MAST4: variants seen among roughly 807,000 people sequenced by gnomAD.
MAST4 encodes microtubule-associated serine/threonine-protein kinase 4.
MAST4 carries 89 observed loss-of-function variants against 162.7 expected under a neutral mutation model. The ratio of observed to expected loss-of-function variants is 0.55; its 90% CI spans 0.46 to 0.65. The LOEUF is 0.65. Among genes scored for constraint, MAST4 ranks in the 30% least tolerant of loss-of-function variants. The pLI is 0.00. For synonymous variants in MAST4, 1,479 were observed against 1,361.1 expected, an observed-to-expected ratio of 1.09 and a Z score of -1.91; for missense variants, 3,153 against 3,374.0, an observed-to-expected ratio of 0.93 and a Z score of 1.62.
intron 1 of MAST4, among the ~76,000 whole-genome samples, chr5:66,625,180 G>A (rs1043654742): frequency 3.3e-5 from 5 of 152,148 alleles, no homozygotes; most frequent in Admixed American, 2.6e-4. Flanking sequence ...GTGTGCGTGT[G>A]TGTGTCTTCT....
chr5:66,714,849 G>A (rs1750720323), intron 1 of MAST4, among the ~76,000 whole-genome samples: 3 of 152,288 alleles, frequency 2.0e-5, no homozygotes, highest in South Asian at 4.1e-4. Context: ...TCCTACCTGT[G>A]GTTTTGCTGG....
chr5:67,036,101 A>G (rs1319804656), intron 4 of MAST4, among the ~76,000 whole-genome samples: 1 of 152,138 alleles, frequency 6.6e-6, no homozygotes. Context: ...TTCAAGGCCC[A>G]GGAGGCCAGA....
intron 4 of MAST4, among the ~76,000 whole-genome samples, chr5:66,917,894 A>T (rs989137500): frequency 6.6e-6 from 1 of 152,092 alleles, no homozygotes; most frequent in African/African-American, 2.4e-5. Context: ...GTTCTGGTTA[A>T]ATTAAAAATT....
intron 5 of MAST4, among the ~76,000 whole-genome samples, chr5:67,087,039 G>A (rs150112124): frequency 3.2e-4 from 48 of 152,220 alleles, no homozygotes; most frequent in Non-Finnish European, 5.4e-4. Flanking sequence ...ACTTCTACCT[G>A]CCTAATCTGC....
At position 67,162,784 on chromosome 5, in the gene MAST4, A is replaced by G; in HGVS notation, c.3963A>G (p.Pro1321=). The change falls in exon 28 of 29, where the codon CCA becomes CCG. Residue 1321 remains proline (P), a synonymous_variant. Transcript: ENST00000403625. ...TPSYRSTPDF[P]SGTNSSQSSS... ...GCTACCGCTCCACCCCTGACTTCCC[A>G]TCTGGTGAGTGAGTCTCCTGGTCTA... is the stretch of plus-strand genomic sequence containing the variant. 6.2e-7 allele frequency: 1 copy of G among 1,613,522 alleles called. No homozygotes were observed. Among genetic ancestry groups the G allele is most frequent in the South Asian group, 1.1e-5 (1 of 91,024 alleles).
chr5:66,926,783 A>G (rs1580901699), intron 4 of MAST4, among the ~76,000 whole-genome samples: 2 of 152,160 alleles, frequency 1.3e-5, no homozygotes, highest in African/African-American at 4.8e-5. Flanking sequence ...TGTTAAAACA[A>G]ATGAAAGTGA....
chr5:67,050,213 T>C (rs1758000624), intron 4 of MAST4, among the ~76,000 whole-genome samples: 1 of 152,174 alleles, frequency 6.6e-6, no homozygotes, highest in Non-Finnish European at 1.5e-5. Flanking sequence ...ATTAAGAAAT[T>C]GAGAAGCTCC....
intron 3 of MAST4, among the ~76,000 whole-genome samples, chr5:66,847,726 C>G (rs1307773713): frequency 7.1e-6 from 1 of 141,170 alleles, no homozygotes; most frequent in East Asian, 2.2e-4. Context: ...GAGGCTGAGG[C>G]ACTAGAATCA....
At chr5:66,734,102 T>C (rs367992566) in intron 1 of MAST4, among the ~76,000 whole-genome samples, 3 of 152,342 alleles carry the variant, frequency 2.0e-5, no homozygotes, top group East Asian at 3.9e-4. Context: ...CAAACTTTGC[T>C]TTTCTCCTTC....
chr5:66,815,498 A>C (rs1177767643), intron 3 of MAST4, among the ~76,000 whole-genome samples: 1 of 152,218 alleles, frequency 6.6e-6, no homozygotes, highest in South Asian at 2.1e-4. Context: ...AAAAAACAGT[A>C]TATATGGGGC....
intron 4 of MAST4, among the ~76,000 whole-genome samples, chr5:66,972,319 T>C: frequency 6.6e-6 from 1 of 152,216 alleles, no homozygotes; most frequent in East Asian, 1.9e-4. Context: ...GCTTTTCTAC[T>C]TATTTCTCTG....
intron 1 of MAST4, among the ~76,000 whole-genome samples, chr5:66,659,528 AC>A (rs2149458569): frequency 6.6e-6 from 1 of 152,170 alleles, no homozygotes; most frequent in East Asian, 1.9e-4. Context: ...GAGCTAAGCA[AC>A]CCTGCATTTT....
intron 4 of MAST4, among the ~76,000 whole-genome samples, chr5:66,919,150 C>A (rs1190777842): frequency 2.2e-5 from 3 of 138,414 alleles, no homozygotes; most frequent in Admixed American, 2.1e-4. Flanking sequence ...ATTTGAGATT[C>A]CTTCTAATTT....
chr5:66,952,842 G>A (rs75504253), intron 4 of MAST4, among the ~76,000 whole-genome samples: 359 of 152,194 alleles, frequency 2.4e-3, no homozygotes, highest in African/African-American at 8.1e-3. Flanking sequence ...TTCCCAGCCC[G>A]ATCTAAAGAT....
At chr5:67,147,948 T>TA (rs1771307043) in intron 23 of MAST4, among the ~76,000 whole-genome samples, 1 of 152,232 alleles carries the variant, frequency 6.6e-6, no homozygotes, top group Non-Finnish European at 1.5e-5. Context: ...GTGCTATGAC[T>TA]AAAGCTGCTG....
At chr5:66,988,491 G>GCTAAATTTACTTTAAAAATTT (rs1749745649) in intron 4 of MAST4, among the ~76,000 whole-genome samples, 1 of 152,108 alleles carries the variant, frequency 6.6e-6, no homozygotes, top group East Asian at 1.9e-4. Flanking sequence ...AACATTTCTG[G>GCTAAATTTACTTTAAAAATTT]AATATTAGAC....
At chr5:66,931,839 GAAT>G (rs956990944) in intron 4 of MAST4, among the ~76,000 whole-genome samples, 14 of 152,120 alleles carry the variant, frequency 9.2e-5, no homozygotes, top group Admixed American at 2.6e-4. Context: ...ATTACAACCA[GAAT>G]AATACTGACA....
At chr5:67,041,776 G>T (rs1756774775) in intron 4 of MAST4, among the ~76,000 whole-genome samples, 1 of 152,142 alleles carries the variant, frequency 6.6e-6, no homozygotes, top group Admixed American at 6.6e-5. Context: ...TTACAGGCCT[G>T]TGCCACCACA....
At chr5:67,033,685 T>C (rs979565876) in intron 4 of MAST4, among the ~76,000 whole-genome samples, 4 of 152,188 alleles carry the variant, frequency 2.6e-5, no homozygotes, top group Admixed American at 2.6e-4. Context: ...ACTTTGACTC[T>C]CCCGTGGGAA....
Sources: allele counts gnomAD v4.1 joint callset (sites outside exome capture counted in the v4.1 genomes callset), GRCh38; gene constraint gnomAD v4.1.1; transcripts MANE v1.5; gene names NCBI Gene and HGNC (gene_info 2026-07-23, HGNC 2026-07-21).